GRIK2: variants seen among roughly 807,000 people sequenced by gnomAD.
The protein encoded by GRIK2 is glutamate ionotropic receptor kainate type subunit 2, also known as glutamate receptor ionotropic, kainate 2.
Under a neutral mutation model 100.3 loss-of-function variants are expected in GRIK2, and 32 were observed. The ratio of observed to expected loss-of-function variants is 0.32; its 90% CI spans 0.24 to 0.43. The LOEUF (loss-of-function observed/expected upper bound fraction) is 0.43. Among genes scored for constraint, GRIK2 ranks in the 20% least tolerant of loss-of-function variants. The pLI is 1.00. For synonymous variants in GRIK2, 417 were observed against 389.4 expected (o/e 1.07, Z -0.83); for missense variants, 843 against 1,114.9 (o/e 0.76, Z 3.47).
At chr6:101,504,342 T>C (rs1452971793) in intron 2 of GRIK2, among the ~76,000 whole-genome samples, 2 of 152,104 alleles carry the variant, frequency 1.3e-5, no homozygotes, top group African/African-American at 4.8e-5. Flanking sequence ...TTTTTTCTGA[T>C]TTATTATATG....
intron 14 of GRIK2, among the ~76,000 whole-genome samples, chr6:101,955,482 T>A (rs574307853): frequency 3.3e-4 from 50 of 151,468 alleles, no homozygotes; most frequent in African/African-American, 1.2e-3. Context: ...TGAGGTGAGT[T>A]CCCATATCTA....
chr6:101,643,138 T>A (rs1045001785), intron 4 of GRIK2, among the ~76,000 whole-genome samples: 7 of 151,694 alleles, frequency 4.6e-5, no homozygotes, highest in African/African-American at 1.4e-4. Flanking sequence ...GACTATCAGA[T>A]ATATTATTTG....
chr6:102,011,583 T>TTTTTTTTTTTTTTTTTTTTCC, intron 14 of GRIK2, among the ~76,000 whole-genome samples: 1 of 66,246 alleles, frequency 1.5e-5, no homozygotes, highest in Non-Finnish European at 3.5e-5. Context: ...TTTCCTTTTT[T>TTTTTTTTTTTTTTTTTTTTCC]TTTTTTTTTT....
intron 2 of GRIK2, among the ~76,000 whole-genome samples, chr6:101,455,431 T>G (rs1024830540): frequency 6.6e-6 from 1 of 152,054 alleles, no homozygotes; most frequent in Non-Finnish European, 1.5e-5. Flanking sequence ...ATGATAACCT[T>G]TTTAAACTTA....
At chr6:101,773,123 G>A (rs759210681) in intron 7 of GRIK2, among the ~76,000 whole-genome samples, 5 of 152,080 alleles carry the variant, frequency 3.3e-5, no homozygotes, top group Non-Finnish European at 7.4e-5. Flanking sequence ...TTTCCTCATG[G>A]CAATAAAACA....
At chr6:101,911,547 A>C (rs1788693932) in intron 12 of GRIK2, among the ~76,000 whole-genome samples, 1 of 151,518 alleles carries the variant, frequency 6.6e-6, no homozygotes, top group African/African-American at 2.4e-5. Context: ...AAAGGTAATC[A>C]TTATTTGTAA....
intron 11 of GRIK2, among the ~76,000 whole-genome samples, chr6:101,868,882 A>G (rs1200349350): frequency 6.6e-6 from 1 of 151,904 alleles, no homozygotes; most frequent in Non-Finnish European, 1.5e-5. Flanking sequence ...TGCCATTCAC[A>G]TTTTTAGGTA....
chr6:102,068,528 AC>A lies in GRIK2; in HGVS notation c.*20del. 1 of 1,605,698 alleles carries A rather than the reference AC, an allele frequency of 6.2e-7. No individual in the cohort carries two copies. The highest frequency in any genetic ancestry group is 1.3e-5 in the African/African-American group (1 of 74,484). ...ATGGCATAAAGCTGGGAGGCCAAAC[AC>A]CCAAGCACAAACTGTCGTCTTTTTC... On this transcript the variant is annotated 3_prime_UTR_variant, in exon 17 of 17. Coordinates refer to ENST00000369134, the MANE Select transcript of GRIK2 (RefSeq NM_021956.5).
In GRIK2 at chr6:101,859,399, C is replaced by T. The variant is rs766466170; in HGVS notation, c.1430C>T (p.Thr477Ile). 1 of 1,603,170 alleles carries T rather than the reference C, an allele frequency of 6.2e-7. No individual in the cohort carries two copies. Among genetic ancestry groups the T allele is most frequent in the South Asian group, 1.1e-5 (1 of 90,878 alleles). Reference protein sequence around the residue: ...LRELSTILGFTYEIRLVEDGK... With the variant: ...LRELSTILGFIYEIRLVEDGK... ...GAGTTATCTACAATCCTTGGCTTTACATATGAAATTAGACTTGTGGAAGAT... is the reference window on the plus strand; with the variant it reads ...GAGTTATCTACAATCCTTGGCTTTATATATGAAATTAGACTTGTGGAAGAT... The change falls in exon 11 of 17, where the codon ACA becomes ATA. Residue 477 changes from threonine to isoleucine, a missense_variant. Around this residue, in one of 3 missense-constraint regions of GRIK2, gnomAD observed 519 missense variants for 643.8 expected, o/e 0.81. Transcript: ENST00000369134.
At chr6:101,973,368 A>G (rs1337770806) in intron 14 of GRIK2, among the ~76,000 whole-genome samples, 2 of 151,898 alleles carry the variant, frequency 1.3e-5, no homozygotes, top group African/African-American at 2.4e-5. Flanking sequence ...ATTTATGACT[A>G]TAGTTGTAAG....
At chr6:102,057,981 G>A (rs1400257656) in intron 16 of GRIK2, among the ~76,000 whole-genome samples, 1 of 151,604 alleles carries the variant, frequency 6.6e-6, no homozygotes, top group East Asian at 1.9e-4. Flanking sequence ...AGTGGAAGTA[G>A]ATTTTCATTT....
At chr6:101,951,324 T>A (rs1791592290) in intron 14 of GRIK2, among the ~76,000 whole-genome samples, 1 of 152,232 alleles carries the variant, frequency 6.6e-6, no homozygotes, top group Non-Finnish European at 1.5e-5. Context: ...CCTTTAGTCC[T>A]GTGTCAAATC....
chr6:101,677,263 C>T (rs1156868193), intron 5 of GRIK2, among the ~76,000 whole-genome samples: 1 of 152,092 alleles, frequency 6.6e-6, no homozygotes, highest in Non-Finnish European at 1.5e-5. Flanking sequence ...GAAGTAGGGA[C>T]TATCTCTACT....
At chr6:101,692,126 T>C (rs1170566399) in intron 7 of GRIK2, among the ~76,000 whole-genome samples, 5 of 151,726 alleles carry the variant, frequency 3.3e-5, no homozygotes, top group Admixed American at 6.6e-5. Context: ...GGCTTTTTCA[T>C]TTACTGCTAG....
rs540469817 is a variant in GRIK2, at chr6:101,510,447, T to G, written c.115+111055T>G. Among the ~76,000 whole-genome samples, 9 of 152,026 alleles carry G rather than the reference T, an allele frequency of 5.9e-5. No individual in the cohort carries two copies. The South Asian group carries it at 1.9e-3, about 32-fold the overall frequency. ...TCCCACATTCTCAGCAAAAGTGTAA[T>G]TGTGTTGTATTGGCTCACAATCATT... is the stretch of plus-strand genomic sequence containing the variant. On this transcript the variant is annotated intron_variant, in intron 2 of 16. Coordinates refer to ENST00000369134, the MANE Select transcript of GRIK2 (RefSeq NM_021956.5).
At chr6:101,619,613 T>C (rs914784759) in intron 2 of GRIK2, among the ~76,000 whole-genome samples, 2 of 152,062 alleles carry the variant, frequency 1.3e-5, no homozygotes, top group Admixed American at 6.6e-5. Context: ...TTTTTTGTTT[T>C]ATTTGCCAGC....
chr6:101,449,557 A>T (rs761396743), intron 2 of GRIK2, among the ~76,000 whole-genome samples: 22 of 151,754 alleles, frequency 1.4e-4, no homozygotes, highest in Admixed American at 6.6e-4. Flanking sequence ...GTGTACTTTC[A>T]TGCTTAGGTT....
intron 12 of GRIK2, among the ~76,000 whole-genome samples, chr6:101,902,314 G>T (rs971791598): frequency 1.3e-5 from 2 of 151,944 alleles, no homozygotes; most frequent in African/African-American, 4.8e-5. Context: ...TTAATAGCAG[G>T]TAGTTCGGGT....
At position 101,700,505 on chromosome 6, in the gene GRIK2, G is replaced by A. The variant is rs1053206010; in HGVS notation, c.951+14152G>A. The stretch of plus-strand genomic sequence containing the variant: ...CAATAAAAGTAATATCATTTACCAT[G>A]CCTTGCTAAATATCATGCAATTTGT... On this transcript the variant is annotated intron_variant, in intron 7 of 16. Coordinates refer to ENST00000369134, the MANE Select transcript of GRIK2 (RefSeq NM_021956.5). 8.9e-4 allele frequency among the ~76,000 whole-genome samples: 136 copies of A among 152,164 alleles called. 1 individual carries two copies. The highest frequency in any genetic ancestry group is 3.4e-3 in the Middle Eastern group (1 of 294).
Sources: gnomAD v4.1 joint callset for allele counts (sites outside exome capture counted in the v4.1 genomes callset) on GRCh38, gnomAD v4.1.1 for gene constraint, gnomAD v4.1.1 regional missense constraint, MANE v1.5 for transcripts, NCBI Gene and HGNC (gene_info 2026-07-23, HGNC 2026-07-21) for gene names.